SPMAP2L: variants seen among roughly 807,000 people sequenced by gnomAD.
The protein encoded by SPMAP2L is sperm microtubule associated protein 2-like.
chr4:56,560,643 G>C, the SPMAP2L span, among the ~76,000 whole-genome samples: 1 of 152,150 alleles, frequency 6.6e-6, no homozygotes, highest in African/African-American at 2.4e-5. Context: ...GCCCAGGCTG[G>C]TCTCGAACTC....
chr4:56,613,293 C>T, the SPMAP2L span, among the ~76,000 whole-genome samples: 1 of 152,130 alleles, frequency 6.6e-6, no homozygotes, highest in African/African-American at 2.4e-5. Flanking sequence ...GTCTGCCTGC[C>T]TGCCTACTCT....
chr4:56,555,932 A>G, the SPMAP2L span, among the ~76,000 whole-genome samples: 1 of 152,206 alleles, frequency 6.6e-6, no homozygotes, highest in African/African-American at 2.4e-5. Flanking sequence ...GAGTAGAGGT[A>G]TACACTGATA....
At chr4:56,569,742 G>C in the SPMAP2L span, among the ~76,000 whole-genome samples, 2 of 152,054 alleles carry the variant, frequency 1.3e-5, no homozygotes, top group Non-Finnish European at 2.9e-5. Context: ...GGGAGGTCGA[G>C]GCCATGATTG....
the SPMAP2L span, among the ~76,000 whole-genome samples, chr4:56,623,949 T>C: frequency 1.3e-5 from 2 of 152,146 alleles, no homozygotes; most frequent in African/African-American, 4.8e-5. Context: ...ACTTTGGAAC[T>C]GGGTAACAGG....
At chr4:56,612,054 A>G in the SPMAP2L span, among the ~76,000 whole-genome samples, 1 of 152,186 alleles carries the variant, frequency 6.6e-6, no homozygotes, top group Non-Finnish European at 1.5e-5. Context: ...GTTTATTTTC[A>G]CAACAATGAG....
chr4:56,606,964 A>G, the SPMAP2L span, among the ~76,000 whole-genome samples: 1 of 152,288 alleles, frequency 6.6e-6, no homozygotes. Flanking sequence ...GTAAGAAGTG[A>G]CAGGCTCAAG....
the SPMAP2L span, among the ~76,000 whole-genome samples, chr4:56,623,307 T>C: frequency 2.6e-5 from 4 of 152,280 alleles, no homozygotes; most frequent in South Asian, 8.3e-4. Flanking sequence ...ACACAGCTTC[T>C]TTTTCTTTAA....
At chr4:56,605,033 G>T in the SPMAP2L span, among the ~76,000 whole-genome samples, 3 of 152,158 alleles carry the variant, frequency 2.0e-5, no homozygotes, top group South Asian at 6.2e-4. Context: ...AGGAATAAAA[G>T]ATTACATAAT....
At chr4:56,578,124 T>C in the SPMAP2L span, among the ~76,000 whole-genome samples, 4 of 152,226 alleles carry the variant, frequency 2.6e-5, no homozygotes, top group Non-Finnish European at 4.4e-5. Flanking sequence ...TTTTTGTTTG[T>C]AACTCTTTTT....
chr4:56,584,472 A>G, the SPMAP2L span: 1 of 1,436,738 alleles, frequency 7.0e-7, no homozygotes, highest in Non-Finnish European at 9.4e-7. Flanking sequence ...CAGTTATAAT[A>G]TTTCATGTTT....
the SPMAP2L span, among the ~76,000 whole-genome samples, chr4:56,577,843 G>T: frequency 6.6e-6 from 1 of 152,084 alleles, no homozygotes; most frequent in Admixed American, 6.6e-5. Context: ...AATTTATTGG[G>T]GTGTTGTGGT....
chr4:56,558,823 T>A, the SPMAP2L span, among the ~76,000 whole-genome samples: 1 of 152,326 alleles, frequency 6.6e-6, no homozygotes, highest in South Asian at 2.1e-4. Flanking sequence ...TGCTTTTTGA[T>A]ATATTTTATG....
the SPMAP2L span, chr4:56,596,721 A>G: frequency 5.5e-6 from 7 of 1,272,974 alleles, no homozygotes; most frequent in African/African-American, 9.2e-5. Context: ...GCCCAAAGTC[A>G]CTGGAAAAGA....
At chr4:56,603,930 C>G in the SPMAP2L span, among the ~76,000 whole-genome samples, 2 of 152,160 alleles carry the variant, frequency 1.3e-5, no homozygotes, top group South Asian at 2.1e-4. Context: ...GAGTCACTTA[C>G]CATGAATGAG....
the SPMAP2L span, among the ~76,000 whole-genome samples, chr4:56,611,251 A>G: frequency 6.6e-6 from 1 of 152,230 alleles, no homozygotes; most frequent in Non-Finnish European, 1.5e-5. Flanking sequence ...TGATGGATTA[A>G]TACTCAGCCA....
the SPMAP2L span, chr4:56,593,822 G>A: frequency 1.2e-6 from 2 of 1,610,270 alleles, no homozygotes; most frequent in East Asian, 4.5e-5. Context: ...GGCCCTCTTG[G>A]CGAATATGGC....
chr4:56,555,140 T>C, the SPMAP2L span, among the ~76,000 whole-genome samples: 1 of 151,936 alleles, frequency 6.6e-6, no homozygotes, highest in African/African-American at 2.4e-5. Context: ...GGTTTCTCCA[T>C]GTTGGTTAGG....
chr4:56,613,200 A>G, the SPMAP2L span, among the ~76,000 whole-genome samples: 2 of 152,086 alleles, frequency 1.3e-5, no homozygotes, highest in Non-Finnish European at 2.9e-5. Flanking sequence ...CTGAAGACAC[A>G]TATTCTGTTA....
the SPMAP2L span, chr4:56,600,836 G>A: frequency 7.9e-7 from 1 of 1,264,662 alleles, no homozygotes; most frequent in Non-Finnish European, 1.1e-6. Flanking sequence ...CAGTAATCCA[G>A]AAAAGAAATG....
Sources: allele counts gnomAD v4.1 joint callset (sites outside exome capture counted in the v4.1 genomes callset), GRCh38; gene constraint gnomAD v4.1.1; transcripts MANE v1.5; gene names NCBI Gene and HGNC (gene_info 2026-07-23, HGNC 2026-07-21).